SDC4: variants seen among roughly 807,000 people sequenced by gnomAD.
SDC4 encodes syndecan-4.
A neutral mutation model predicts 20.5 loss-of-function variants in SDC4; 17 were observed. The observed-to-expected ratio is 0.83, with a 90% CI of 0.57 to 1.25. SDC4 has a LOEUF of 1.25. Among genes scored for constraint, SDC4 ranks in the 50% most tolerant of loss-of-function variants. The probability of loss-of-function intolerance (pLI) is 0.00; values close to 1 mark genes in which losing one functional copy is unlikely to be tolerated. For missense variants in SDC4, 241 were observed against 252.3 expected (o/e 0.96, Z 0.30); for synonymous variants, 107 against 105.3 (o/e 1.02, Z -0.10).
At position 45,329,580 on chromosome 20, in the gene SDC4, C is replaced by T. The variant is rs888358318; in HGVS notation, c.445+786G>A. Among the ~76,000 whole-genome samples the T allele has an allele frequency of 8.2e-4, 125 of 152,306 alleles. 1 individual carries two copies. The highest frequency in any genetic ancestry group is 2.8e-3 in the African/African-American group (116 of 41,554). On this transcript the variant is annotated intron_variant, in intron 4 of 4. Coordinates refer to ENST00000372733, the MANE Select transcript of SDC4 (RefSeq NM_002999.4). ...GACCTTCCATCTGTCCTGGATGAAG[C>T]CAGGCTCTGTCCCTATAGCTCAAGC... is the stretch of plus-strand genomic sequence containing the variant.
intron 3 of SDC4, 45 bp from the exon 4 acceptor site, chr20:45,330,609 G>A (rs550192600): frequency 1.3e-6 from 2 of 1,557,512 alleles, no homozygotes; most frequent in South Asian, 2.2e-5. Flanking sequence ...TATTTTGGAA[G>A]AGACTCAGGG....
chr20:45,340,975 G>A (rs1987945080), intron 1 of SDC4, among the ~76,000 whole-genome samples: 1 of 152,218 alleles, frequency 6.6e-6, no homozygotes, highest in Non-Finnish European at 1.5e-5. Flanking sequence ...GTGCATCAAG[G>A]CAGATTCACA....
rs201908793 is a variant in SDC4, at chr20:45,329,649, T to A, written c.445+717A>T. 5.3e-5 allele frequency among the ~76,000 whole-genome samples: 8 copies of A among 152,092 alleles called. No homozygotes were observed. The East Asian group carries it at 1.5e-3, about 29-fold the overall frequency. ...TCTGTTGATTCCCAGGAGACAGGAG[T>A]TACCCAGCATGGGCCCAGGGTGCCC... On this transcript the variant is annotated intron_variant, in intron 4 of 4. Coordinates refer to ENST00000372733, the MANE Select transcript of SDC4 (RefSeq NM_002999.4).
At chr20:45,332,045 G>A (rs1987785386) in intron 3 of SDC4, among the ~76,000 whole-genome samples, 1 of 152,052 alleles carries the variant, frequency 6.6e-6, no homozygotes, top group Non-Finnish European at 1.5e-5. Context: ...TCAATAAAGG[G>A]AATCAGGTAA....
At chr20:45,329,529 G>A (rs1352427294) in intron 4 of SDC4, among the ~76,000 whole-genome samples, 2 of 152,220 alleles carry the variant, frequency 1.3e-5, no homozygotes, top group Non-Finnish European at 2.9e-5. Context: ...GTGCTCCCAG[G>A]AACCCTCTTT....
chr20:45,327,487 C>T, intron 4 of SDC4, 72 bp from the exon 5 acceptor site: 1 of 1,490,616 alleles, frequency 6.7e-7, no homozygotes, highest in Non-Finnish European at 9.1e-7. Context: ...CCCCTCTTTC[C>T]CCCACTGTCA....
intron 2 of SDC4, among the ~76,000 whole-genome samples, chr20:45,333,361 A>G (rs773951073): frequency 3.3e-5 from 5 of 152,180 alleles, no homozygotes; most frequent in Non-Finnish European, 7.3e-5. Context: ...AACACCTGAG[A>G]GCTGGTTAGA....
Position 45,327,275 on chromosome 20 carries a change from A to G in SDC4, c.586T>C (p.Phe196Leu), listed in dbSNP as rs200900374. 1 of 1,613,970 alleles carries G rather than the reference A, an allele frequency of 6.2e-7. No homozygotes were observed. Among genetic ancestry groups the G allele is most frequent in the East Asian group, 2.2e-5 (1 of 44,858 alleles). ...PIYKKAPTNEFYA is the reference protein window; with the variant it reads ...PIYKKAPTNELYA ...CCCACAAGCAAGCTTCACGCGTAGAACTCATTGGTGGGGGCTTTCTTGTAG... is the reference window on the plus strand; with the variant it reads ...CCCACAAGCAAGCTTCACGCGTAGAGCTCATTGGTGGGGGCTTTCTTGTAG... The change falls in exon 5 of 5, where the codon TTC (phenylalanine) becomes CTC (leucine). Residue 196 changes from phenylalanine (F) to leucine (L), a missense_variant. Phe to Leu is a conservative substitution (Grantham distance 22, BLOSUM62 0). Transcript: ENST00000372733.
At chr20:45,339,140 T>C (rs144852692) in intron 1 of SDC4, among the ~76,000 whole-genome samples, 152 of 152,320 alleles carry the variant, frequency 1.0e-3, no homozygotes, top group African/African-American at 3.6e-3. Context: ...CCCCGTGGGA[T>C]TGTGGGCAAT....
chr20:45,336,215 C>T (rs1224147801), intron 1 of SDC4, among the ~76,000 whole-genome samples: 1 of 152,140 alleles, frequency 6.6e-6, no homozygotes, highest in Non-Finnish European at 1.5e-5. Flanking sequence ...GAGTTCAAGA[C>T]CAGCCTGGCC....
rs766862333 is a variant in SDC4 at position 45,333,089 on chromosome 20, G to A, written c.200-20C>T. On this transcript the variant is annotated intron_variant, in intron 2 of 4. Transcript: ENST00000372733. ...AGTCATCTGTAAGGTCAGAATAGCT[G>A]TGTGAGTGAGGTCCATTACCCCAGG... is the stretch of plus-strand genomic sequence containing the variant. 3.1e-6 allele frequency: 5 copies of A among 1,613,392 alleles called. No individual in the cohort carries two copies. The highest frequency in any genetic ancestry group is 4.2e-6 in the Non-Finnish European group (5 of 1,179,314).
chr20:45,330,623 G>C, intron 3 of SDC4, 59 bp from the exon 4 acceptor site: 1 of 1,428,090 alleles, frequency 7.0e-7, no homozygotes, highest in African/African-American at 1.4e-5. Context: ...CTCAGGGCAG[G>C]GGACAGGGAC....
In SDC4 at chr20:45,335,889, T is replaced by C. The variant is rs200999058; in HGVS notation, c.92A>G (p.Asp31Gly). The change falls in exon 2 of 5, where the codon GAC becomes GGC. Residue 31 changes from aspartate to glycine, a missense_variant. Coordinates refer to ENST00000372733, the MANE Select transcript of SDC4 (RefSeq NM_002999.4). ...IRETEVIDPQ[D>G]LLEGRYFSGA... The stretch of plus-strand genomic sequence containing the variant: ...GGAGAAGTATCGGCCTTCTAGGAGG[T>C]CCTGGGGGTCGATGACCTCAGTCTC... The C allele has an allele frequency of 2.0e-4, 324 of 1,613,388 alleles. 2 individuals are homozygous for C. The highest frequency in any genetic ancestry group is 3.0e-4 in the Admixed American group (18 of 59,972).
chr20:45,342,358 G>T (rs1987965258), intron 1 of SDC4, among the ~76,000 whole-genome samples: 2 of 152,306 alleles, frequency 1.3e-5, no homozygotes, highest in East Asian at 3.9e-4. Context: ...CCCCACTCTG[G>T]GTAGCCGGGC....
At chr20:45,338,901 A>G (rs1189597557) in intron 1 of SDC4, among the ~76,000 whole-genome samples, 3 of 152,196 alleles carry the variant, frequency 2.0e-5, no homozygotes, top group Admixed American at 2.0e-4. Flanking sequence ...CTGCATTTAG[A>G]TGAGCCCAGG....
intron 1 of SDC4, among the ~76,000 whole-genome samples, chr20:45,337,371 A>G (rs73907904): frequency 6.6e-6 from 1 of 152,292 alleles, no homozygotes; most frequent in African/African-American, 2.4e-5. Flanking sequence ...TCTTCTCCAG[A>G]CGCCATAACT....
At position 45,335,932 on chromosome 20, in the gene SDC4, AAAG is replaced by A; in HGVS notation, c.61-15_61-13del. On this transcript the variant is annotated splice_polypyrimidine_tract_variant and intron_variant, in intron 1 of 4. Transcript: ENST00000372733. ...TCAGTCTCTCGGATCTAAGATAAAG[AAAG>A]GAGACACATCAGCCAACATCCCCAG... is the stretch of plus-strand genomic sequence containing the variant. 6 of 1,608,640 alleles carry A rather than the reference AAAG, an allele frequency of 3.7e-6. No individual in the cohort carries two copies. Among genetic ancestry groups the A allele is most frequent in the Non-Finnish European group, 5.1e-6 (6 of 1,179,494 alleles).
chr20:45,336,181 G>C (rs1436393722), intron 1 of SDC4, among the ~76,000 whole-genome samples: 1 of 152,206 alleles, frequency 6.6e-6, no homozygotes, highest in South Asian at 2.1e-4. Context: ...GGGAGGCGGA[G>C]GCAGGCAGAT....
At chr20:45,334,677 C>G (rs368319870) in intron 2 of SDC4, among the ~76,000 whole-genome samples, 2 of 151,756 alleles carry the variant, frequency 1.3e-5, no homozygotes, top group Non-Finnish European at 2.9e-5. Flanking sequence ...TTAGTAGAGA[C>G]GGGGTTTCAC....
Sources: allele counts gnomAD v4.1 joint callset (sites outside exome capture counted in the v4.1 genomes callset), GRCh38; gene constraint gnomAD v4.1.1; transcripts MANE v1.5; gene names NCBI Gene and HGNC (gene_info 2026-07-23, HGNC 2026-07-21).